Variants in TK1 observed in about 807,000 individuals in gnomAD.
TK1 encodes thymidine kinase 1.
Under a neutral mutation model 22.4 loss-of-function variants are expected in TK1, and 13 were observed. The observed-to-expected ratio is 0.58, with a 90% CI of 0.38 to 0.92. The LOEUF is 0.92. Among genes scored for constraint, TK1 ranks in the 40% least tolerant of loss-of-function variants. The pLI is 0.00. For missense variants in TK1, 251 were observed against 315.7 expected (o/e 0.80, Z 1.55); for synonymous variants, 134 against 125.4 (o/e 1.07, Z -0.46).
chr17:78,179,057 T>G, intron 4 of TK1: 5 of 636,824 alleles, frequency 7.9e-6, no homozygotes, highest in Non-Finnish European at 9.8e-6. Flanking sequence ...ACTCAGGGCA[T>G]TTGGATGTCG....
Position 78,186,820 on chromosome 17 carries a change from T to C in TK1, c.67-2A>G. Reference sequence around the variant, plus strand: ...TGAGAACATCGGCCCGAGAATCACCTAGGAGAGAAGGTGAGGTCATTTGAG... The same window carrying C: ...TGAGAACATCGGCCCGAGAATCACCCAGGAGAGAAGGTGAGGTCATTTGAG... On this transcript the variant is annotated splice_acceptor_variant, in intron 1 of 6. Coordinates refer to ENST00000301634, the MANE Select transcript of TK1 (RefSeq NM_003258.5). LOFTEE classifies it high-confidence loss of function. 6.3e-7 allele frequency: 1 copy of C among 1,582,288 alleles called. No individual in the cohort carries two copies. Among genetic ancestry groups the C allele is most frequent in the Non-Finnish European group, 8.6e-7 (1 of 1,164,656 alleles).
upstream of TK1, chr17:78,187,054 C>T: frequency 2.6e-6 from 4 of 1,544,374 alleles, no homozygotes; most frequent in Non-Finnish European, 3.5e-6. Flanking sequence ...CAGTAAGCCC[C>T]TGGTTCCCGC....
In TK1 at chr17:78,184,956, G is replaced by A. The variant is rs947280876; in HGVS notation, c.209+99C>T. ...AGTGTGCTGATTTGAATCATTCAAT[G>A]TTCAAATGATTAACCATCCCCATTA... On this transcript the variant is annotated intron_variant, in intron 3 of 6. Coordinates refer to ENST00000301634, the MANE Select transcript of TK1 (RefSeq NM_003258.5). The A allele has an allele frequency of 1.7e-5, 16 of 918,654 alleles. No homozygotes were observed. The African/African-American group carries it at 2.6e-4, about 15-fold the overall frequency. The allele number at this position is 918,654 out of a possible 1,614,324, so 56.9% of individuals were successfully genotyped here.
chr17:78,175,024 C>A (rs2075687963), intron 6 of TK1, 26 bp downstream of exon 6: 3 of 1,611,818 alleles, frequency 1.9e-6, no homozygotes, highest in Non-Finnish European at 2.5e-6. Flanking sequence ...ACCCCGCCGG[C>A]CTGCAGGGAA....
chr17:78,180,030 C>CA (rs1213653819), intron 4 of TK1, among the ~76,000 whole-genome samples: 2 of 152,180 alleles, frequency 1.3e-5, no homozygotes, highest in Non-Finnish European at 2.9e-5. Context: ...GAGACTGCGC[C>CA]ACTGCACTCC....
In TK1 at chr17:78,186,804, CG is replaced by C; in HGVS notation, c.80del (p.Pro27ArgfsTer10). ...GCCATTACCTTTTTCCTGAGAACAT[CG>C]GCCCGAGAATCACCTAGGAGAGAAG... ...TRGQIQVILG[P>X]MFSGKSTELM... On this transcript the variant is annotated frameshift_variant, in exon 2 of 7. Transcript: ENST00000301634. LOFTEE classifies it high-confidence loss of function. 1 of 1,586,414 alleles carries C rather than the reference CG, an allele frequency of 6.3e-7. No individual in the cohort carries two copies. The highest frequency in any genetic ancestry group is 8.6e-7 in the Non-Finnish European group (1 of 1,166,704).
chr17:78,185,040 G>A lies in TK1; in HGVS notation c.209+15C>T. On this transcript the variant is annotated intron_variant, in intron 3 of 6. Transcript: ENST00000301634. The stretch of plus-strand genomic sequence containing the variant: ...GATTTTCCACTGGACAGGACTGCAG[G>A]GGGCAGGGACTGACCGGTCATGTGT... 1 of 1,608,890 alleles carries A rather than the reference G, an allele frequency of 6.2e-7. No individual in the cohort carries two copies. Among genetic ancestry groups the A allele is most frequent in the Non-Finnish European group, 8.5e-7 (1 of 1,175,862 alleles).
chr17:78,187,147 C>A (rs1224385077), upstream of TK1: 2 of 981,452 alleles, frequency 2.0e-6, no homozygotes, highest in Admixed American at 2.0e-5. Context: ...CGGCCGCTGA[C>A]CTGGCGGGAG....
chr17:78,183,727 A>G (rs902275283), intron 3 of TK1: 1 of 152,208 alleles, frequency 6.6e-6, no homozygotes, highest in African/African-American at 2.4e-5. Context: ...AAAAAAACAT[A>G]CTTTACAACT....
At chr17:78,183,563 C>T (rs764104269) in intron 3 of TK1, among the ~76,000 whole-genome samples, 1 of 151,942 alleles carries the variant, frequency 6.6e-6, no homozygotes, top group Non-Finnish European at 1.5e-5. Context: ...TGGTGGTGTG[C>T]GCCTGTAGTC....
Position 78,187,001 on chromosome 17 carries a change from T to C in TK1, c.-7A>G, listed in dbSNP as rs772773188. 8.2e-6 allele frequency: 13 copies of C among 1,585,836 alleles called. No individual in the cohort carries two copies. The highest frequency in any genetic ancestry group is 1.1e-5 in the Non-Finnish European group (13 of 1,166,742). ...GCAGGTTAATGCAGCTCATTGCGCC[T>C]CCGGGAAGTTCACGAACCCGAGTAC... On this transcript the variant is annotated 5_prime_UTR_variant, in exon 1 of 7. Coordinates refer to ENST00000301634, the MANE Select transcript of TK1 (RefSeq NM_003258.5).
intron 3 of TK1, 150 bp downstream of exon 3, chr17:78,184,905 G>T: frequency 1.6e-6 from 1 of 642,662 alleles, no homozygotes; most frequent in Non-Finnish European, 2.7e-6. Context: ...TGGAGAGTGT[G>T]CGCTACCTTG....
chr17:78,185,458 T>G (rs2075776176), intron 2 of TK1, among the ~76,000 whole-genome samples: 1 of 152,088 alleles, frequency 6.6e-6, no homozygotes, highest in African/African-American at 2.4e-5. Context: ...AAAGGCTACA[T>G]GTAGAGGGAA....
chr17:78,175,629 C>A lies in TK1; in HGVS notation c.304-11G>T. On this transcript the variant is annotated splice_polypyrimidine_tract_variant and intron_variant, in intron 4 of 6. Coordinates refer to ENST00000301634, the MANE Select transcript of TK1 (RefSeq NM_003258.5). ...CACGATGTCAGGGAACTGGAAAGGGCACGTGGAGAAAGAGTGTGAGAGCTT... is the reference window on the plus strand; with the variant it reads ...CACGATGTCAGGGAACTGGAAAGGGAACGTGGAGAAAGAGTGTGAGAGCTT... The A allele has an allele frequency of 6.2e-7, 1 of 1,611,508 alleles. No homozygotes were observed. The highest frequency in any genetic ancestry group is 8.5e-7 in the Non-Finnish European group (1 of 1,178,952).
intron 4 of TK1, chr17:78,179,295 G>GAAC: frequency 1.0e-6 from 1 of 985,452 alleles, no homozygotes; most frequent in Non-Finnish European, 1.2e-6. Context: ...GAGCAAAAGA[G>GAAC]AACAGCTGCA....
At chr17:78,179,241 A>C (rs943787129) in intron 4 of TK1, 2 of 985,292 alleles carry the variant, frequency 2.0e-6, no homozygotes, top group African/African-American at 3.5e-5. Context: ...ATGTCCCCAA[A>C]GCTGATGCAA....
In TK1 at chr17:78,175,575, C is replaced by T. The variant is rs1300250045; in HGVS notation, c.347G>A (p.Gly116Glu). Residue 116 changes from glycine to glutamate, a missense_variant, in exon 5 of 7, where the codon GGG becomes GAG. Physicochemically the swap from Gly to Glu is moderately conservative, Grantham distance 98 (BLOSUM62 -2). Coordinates refer to ENST00000301634, the MANE Select transcript of TK1 (RefSeq NM_003258.5). The stretch of plus-strand genomic sequence containing the variant: ...CAGTGCAGCCACAATTACGGTCTTC[C>T]CGGCGTTGGCCATGGCCTCGCAGAA... ...VEFCEAMANA[G>E]KTVIVAALDG... is the part of the protein sequence containing the mutation. 4 of 1,613,682 alleles carry T rather than the reference C, an allele frequency of 2.5e-6. No homozygotes were observed. Among genetic ancestry groups the T allele is most frequent in the Non-Finnish European group, 3.4e-6 (4 of 1,179,856 alleles).
intron 5 of TK1, 27 bp downstream of exon 5, chr17:78,175,502 G>T (rs1203247832): frequency 6.2e-7 from 1 of 1,603,646 alleles, no homozygotes; most frequent in Admixed American, 1.7e-5. Flanking sequence ...CTCAATCCCA[G>T]CTCCAGACCT....
At chr17:78,179,103 C>T in intron 4 of TK1, 1 of 960,002 alleles carries the variant, frequency 1.0e-6, no homozygotes. Flanking sequence ...CCTCGGGGGT[C>T]TGGGTCAGCC....
Sources: gnomAD v4.1 joint callset for allele counts (sites outside exome capture counted in the v4.1 genomes callset) on GRCh38, gnomAD v4.1.1 for gene constraint, MANE v1.5 for transcripts, NCBI Gene and HGNC (gene_info 2026-07-23, HGNC 2026-07-21) for gene names.